Variants in IGSF10 observed in about 807,000 individuals in gnomAD.
IGSF10 encodes immunoglobulin superfamily member 10.
IGSF10 carries 126 observed loss-of-function variants against 128.2 expected under a neutral mutation model. The observed-to-expected ratio is 0.98, with a 90% CI of 0.85 to 1.14. The LOEUF (loss-of-function observed/expected upper bound fraction) is 1.14. Ranked by LOEUF, IGSF10 falls within the 50% of genes most tolerant of loss-of-function variation. IGSF10 has a pLI of 0.00. For missense variants in IGSF10, 3,295 were observed against 3,149.8 expected, an observed-to-expected ratio of 1.05 and a Z score of -1.10; for synonymous variants, 1,185 against 1,146.2, an observed-to-expected ratio of 1.03 and a Z score of -0.68.
chr3:151,477,130 G>T, the IGSF10 span, among the ~76,000 whole-genome samples: 1 of 152,266 alleles, frequency 6.6e-6, no homozygotes, highest in East Asian at 1.9e-4. Flanking sequence ...TTGTCAGGAT[G>T]CTGCTTTACA....
chr3:151,597,286 T>C, the IGSF10 span, among the ~76,000 whole-genome samples: 1 of 152,146 alleles, frequency 6.6e-6, no homozygotes, highest in Admixed American at 6.5e-5. Flanking sequence ...GATTAAATAA[T>C]CACCCAAATG....
the IGSF10 span, among the ~76,000 whole-genome samples, chr3:151,521,147 T>C: frequency 6.6e-6 from 1 of 151,886 alleles, no homozygotes; most frequent in Admixed American, 6.6e-5. Context: ...CATTACATAA[T>C]GGTAAAGGGT....
chr3:151,563,534 C>T, the IGSF10 span, among the ~76,000 whole-genome samples: 2 of 152,046 alleles, frequency 1.3e-5, no homozygotes, highest in African/African-American at 2.4e-5. Context: ...GCCATCAAGC[C>T]ATCAGATACT....
upstream of IGSF10, among the ~76,000 whole-genome samples, chr3:151,462,132 G>A (rs750424130): frequency 1.3e-5 from 2 of 151,986 alleles, no homozygotes; most frequent in African/African-American, 4.8e-5. Context: ...TCTTGGTGGG[G>A]CTCCCAATAC....
the IGSF10 span, among the ~76,000 whole-genome samples, chr3:151,592,848 C>A: frequency 1.3e-5 from 2 of 152,080 alleles, no homozygotes; most frequent in African/African-American, 4.8e-5. Flanking sequence ...TTTGAAAGAA[C>A]AATTATCATG....
At chr3:151,606,605 T>A in the IGSF10 span, among the ~76,000 whole-genome samples, 2 of 152,172 alleles carry the variant, frequency 1.3e-5, no homozygotes, top group Admixed American at 1.3e-4. Flanking sequence ...GAGGTATTTG[T>A]TGGATTCATT....
chr3:151,562,770 A>G, the IGSF10 span, among the ~76,000 whole-genome samples: 1 of 152,248 alleles, frequency 6.6e-6, no homozygotes, highest in African/African-American at 2.4e-5. Flanking sequence ...GAAGGCACCA[A>G]TGCACCATGT....
At chr3:151,555,672 TAAAGGAAC>T in the IGSF10 span, among the ~76,000 whole-genome samples, 1 of 152,114 alleles carries the variant, frequency 6.6e-6, no homozygotes, top group South Asian at 2.1e-4. Flanking sequence ...TGTTGTGAGA[TAAAGGAAC>T]AAATGTAAGA....
At chr3:151,442,805 G>T (rs941880114) in intron 7 of IGSF10, among the ~76,000 whole-genome samples, 179 bp downstream of exon 7, 1 of 152,094 alleles carries the variant, frequency 6.6e-6, no homozygotes, top group Non-Finnish European at 1.5e-5. Context: ...TGAAAAGAAT[G>T]GTTTTTGTAT....
At chr3:151,586,571 A>G in the IGSF10 span, among the ~76,000 whole-genome samples, 1 of 152,206 alleles carries the variant, frequency 6.6e-6, no homozygotes, top group Admixed American at 6.5e-5. Flanking sequence ...CCAATGAAAT[A>G]TGGTGATAAG....
At chr3:151,538,469 GC>G in the IGSF10 span, among the ~76,000 whole-genome samples, 186 of 152,204 alleles carry the variant, frequency 1.2e-3, no homozygotes, top group African/African-American at 4.2e-3. Context: ...TCACTTCACA[GC>G]CAAGTAATAG....
the IGSF10 span, among the ~76,000 whole-genome samples, chr3:151,617,343 C>G: frequency 2.7e-5 from 4 of 147,010 alleles, no homozygotes; most frequent in African/African-American, 1.0e-4. Context: ...CCCCCTCCTC[C>G]TCCTCCTCCT....
chr3:151,554,451 A>G, the IGSF10 span, among the ~76,000 whole-genome samples: 20 of 150,074 alleles, frequency 1.3e-4, no homozygotes, highest in African/African-American at 4.1e-4. Flanking sequence ...AAATATTTCA[A>G]TTTTTGCCAA....
the IGSF10 span, among the ~76,000 whole-genome samples, chr3:151,480,585 A>T: frequency 6.6e-6 from 1 of 152,208 alleles, no homozygotes; most frequent in South Asian, 2.1e-4. Context: ...AGTGCATGCT[A>T]TTCCAGTGGC....
the IGSF10 span, among the ~76,000 whole-genome samples, chr3:151,473,465 A>C: frequency 1.3e-5 from 2 of 152,256 alleles, no homozygotes; most frequent in South Asian, 4.1e-4. Context: ...AAGTGATGCA[A>C]GCAAAAGGTA....
chr3:151,532,230 A>G, the IGSF10 span, among the ~76,000 whole-genome samples: 2 of 140,354 alleles, frequency 1.4e-5, no homozygotes, highest in African/African-American at 5.0e-5. Context: ...AGACGGATTC[A>G]CAGCCGAATT....
upstream of IGSF10, among the ~76,000 whole-genome samples, chr3:151,465,818 T>A (rs1475737439): frequency 6.6e-6 from 1 of 152,170 alleles, no homozygotes; most frequent in Non-Finnish European, 1.5e-5. Context: ...GGATGAACTG[T>A]AATCTAATTT....
chr3:151,467,070 A>G, the IGSF10 span, among the ~76,000 whole-genome samples: 88 of 152,310 alleles, frequency 5.8e-4, no homozygotes, highest in African/African-American at 2.0e-3. Flanking sequence ...AAATGAATCA[A>G]AAATTAACTC....
chr3:151,522,051 T>C, the IGSF10 span, among the ~76,000 whole-genome samples: 1 of 151,820 alleles, frequency 6.6e-6, no homozygotes, highest in East Asian at 1.9e-4. Context: ...AAGATAAACA[T>C]CAGAAACTTC....
Sources: gnomAD v4.1 joint callset for allele counts (sites outside exome capture counted in the v4.1 genomes callset) on GRCh38, gnomAD v4.1.1 for gene constraint, MANE v1.5 for transcripts, NCBI Gene and HGNC (gene_info 2026-07-23, HGNC 2026-07-21) for gene names.